Variants in TEKT5 observed in about 807,000 individuals in gnomAD.
TEKT5 encodes the protein tektin-5.
Under a neutral mutation model 48.7 loss-of-function variants are expected in TEKT5, and 52 were observed. That is an observed-to-expected ratio of 1.07 (90% confidence interval 0.86 to 1.35). TEKT5 has a LOEUF of 1.35. Among genes scored for constraint, TEKT5 ranks in the 40% most tolerant of loss-of-function variants. The pLI is 0.00. For missense variants in TEKT5, 831 were observed against 641.6 expected, an observed-to-expected ratio of 1.30 and a Z score of -3.19; for synonymous variants, 318 against 267.6, an observed-to-expected ratio of 1.19 and a Z score of -1.84.
chr16:10,658,303 G>T (rs1423020353), intron 5 of TEKT5, among the ~76,000 whole-genome samples: 1 of 152,140 alleles, frequency 6.6e-6, no homozygotes, highest in Non-Finnish European at 1.5e-5. Flanking sequence ...TCCACCAAAA[G>T]ATTTGTGCAA....
intron 1 of TEKT5, chr16:10,691,166 C>CA (rs1339758918): frequency 1.0e-5 from 1 of 97,980 alleles, no homozygotes; most frequent in Admixed American, 1.1e-4. Flanking sequence ...CCCATCTCTA[C>CA]AAAAAATTTT....
intron 5 of TEKT5, among the ~76,000 whole-genome samples, chr16:10,654,384 T>G (rs1296509746): frequency 3.9e-5 from 6 of 152,156 alleles, no homozygotes; most frequent in Non-Finnish European, 8.8e-5. Flanking sequence ...TTGACTGGCT[T>G]GACTGGGTTA....
Position 10,627,657 on chromosome 16 carries a change from A to G in TEKT5, c.1384T>C (p.Cys462Arg), listed in dbSNP as rs775872778. Reference protein sequence around the residue: ...HELAIKANTLCIDKEKCMGMR... With the variant: ...HELAIKANTLRIDKEKCMGMR... Reference sequence around the variant, plus strand: ...CCCATGCACTTCTCCTTGTCGATGCAGAGGGTGTTGGCCTTGATGGCGAGC... The same window carrying G: ...CCCATGCACTTCTCCTTGTCGATGCGGAGGGTGTTGGCCTTGATGGCGAGC... The change falls in exon 7 of 7, where the codon TGC (cysteine) becomes CGC (arginine). Residue 462 changes from cysteine to arginine, a missense_variant. Transcript: ENST00000283025. The G allele has an allele frequency of 6.2e-7, 1 of 1,614,180 alleles. No homozygotes were observed.
At chr16:10,670,973 T>C (rs959179735) in intron 5 of TEKT5, among the ~76,000 whole-genome samples, 10 of 152,188 alleles carry the variant, frequency 6.6e-5, no homozygotes, top group African/African-American at 2.4e-4. Context: ...GCCACGATCA[T>C]AGCTCACTGC....
chr16:10,631,888 T>C (rs528642101), intron 6 of TEKT5, among the ~76,000 whole-genome samples: 1 of 152,330 alleles, frequency 6.6e-6, no homozygotes, highest in African/African-American at 2.4e-5. Flanking sequence ...TGTGAGGGAA[T>C]AAACTTCTGT....
chr16:10,648,642 G>T lies in TEKT5; in HGVS notation c.1087-12724C>A, dbSNP rs77847998. ...CCACCACGCCCTGCCTGCATCCCCT[G>T]GTTTTTAGATAAGAGAAATGAGACA... On this transcript the variant is annotated intron_variant, in intron 5 of 6. Transcript: ENST00000283025. 3.4e-3 allele frequency among the ~76,000 whole-genome samples: 522 copies of T among 152,166 alleles called. 6 individuals carry two copies. Among genetic ancestry groups the T allele is most frequent in the African/African-American group, 0.012 (482 of 41,536 alleles).
At chr16:10,640,772 T>C (rs560525265) in intron 5 of TEKT5, among the ~76,000 whole-genome samples, 181 of 152,322 alleles carry the variant, frequency 1.2e-3, no homozygotes, top group African/African-American at 4.0e-3. Flanking sequence ...TCAGCATAAT[T>C]ATTTTGAGAA....
At chr16:10,692,662 G>T (rs905173733) in intron 1 of TEKT5, 1 of 152,190 alleles carries the variant, frequency 6.6e-6, no homozygotes, top group Non-Finnish European at 1.5e-5. Context: ...GGAGACACAC[G>T]ACGGACCTTC....
intron 6 of TEKT5, among the ~76,000 whole-genome samples, chr16:10,629,090 G>C (rs1281203122): frequency 1.3e-5 from 2 of 152,134 alleles, no homozygotes; most frequent in South Asian, 2.1e-4. Flanking sequence ...GCTTCCAGAG[G>C]TCAGGCGGTG....
intron 5 of TEKT5, among the ~76,000 whole-genome samples, chr16:10,668,435 T>C (rs770794348): frequency 1.3e-5 from 2 of 151,980 alleles, no homozygotes; most frequent in Non-Finnish European, 2.9e-5. Flanking sequence ...GCTGGGCCGG[T>C]TTTAGAAACC....
chr16:10,670,255 G>A (rs896484484), intron 5 of TEKT5, among the ~76,000 whole-genome samples: 3 of 152,160 alleles, frequency 2.0e-5, no homozygotes, highest in African/African-American at 7.2e-5. Context: ...GTCCGGGCAC[G>A]GTGGCTCAAG....
intron 5 of TEKT5, among the ~76,000 whole-genome samples, chr16:10,675,600 G>C (rs769538221): frequency 5.3e-5 from 8 of 152,190 alleles, no homozygotes; most frequent in Non-Finnish European, 1.0e-4. Flanking sequence ...TGTGGACGGA[G>C]AAGATGTGCA....
chr16:10,694,221 G>A lies in TEKT5; in HGVS notation c.564+89C>T, dbSNP rs1057040050. On this transcript the variant is annotated intron_variant, in intron 1 of 6. Coordinates refer to ENST00000283025, the MANE Select transcript of TEKT5 (RefSeq NM_144674.2). ...GCTCAAACCGACCTGCAAGGTGCCT[G>A]CCACCTTCATCTTCAGTCAAGGGAA... is the stretch of plus-strand genomic sequence containing the variant. 5.1e-6 allele frequency: 7 copies of A among 1,382,272 alleles called. No individual in the cohort carries two copies. The East Asian group carries it at 9.3e-5, about 18-fold the overall frequency. The allele number at this position is 1,382,272 out of a possible 1,614,324, so 85.6% of individuals were successfully genotyped here.
intron 5 of TEKT5, among the ~76,000 whole-genome samples, chr16:10,653,731 G>T (rs1898209685): frequency 6.6e-6 from 1 of 152,058 alleles, no homozygotes; most frequent in South Asian, 2.1e-4. Flanking sequence ...TGGCCAACAT[G>T]GTGAAACCCC....
chr16:10,652,015 CAGCTCGAGCACATCCA>C (rs71133380), intron 5 of TEKT5, among the ~76,000 whole-genome samples: 10,546 of 152,174 alleles, frequency 0.069, 616 homozygotes, highest in East Asian at 0.2. Flanking sequence ...ATCTAAATCC[CAGCTCGAGCACATCCA>C]AGCTGGGGGG....
At chr16:10,662,034 C>G (rs562903587) in intron 5 of TEKT5, among the ~76,000 whole-genome samples, 2 of 152,252 alleles carry the variant, frequency 1.3e-5, no homozygotes, top group African/African-American at 2.4e-5. Flanking sequence ...TCCTTTCTCT[C>G]TTCTTAAATT....
At position 10,686,786 on chromosome 16, in the gene TEKT5, A is replaced by G. The variant is rs188256163; in HGVS notation, c.719+2467T>C. 1.6e-3 allele frequency among the ~76,000 whole-genome samples: 237 copies of G among 152,344 alleles called. 1 individual carries two copies. The highest frequency in any genetic ancestry group is 5.6e-3 in the African/African-American group (234 of 41,584). ...AAAACAACCCAGTTTTAAAATGGAC[A>G]AAGTTATTGCGGCACAATTTACGAT... On this transcript the variant is annotated intron_variant, in intron 3 of 6. Transcript: ENST00000283025.
intron 5 of TEKT5, chr16:10,671,618 T>G (rs1260992374): frequency 6.6e-6 from 1 of 152,198 alleles, no homozygotes; most frequent in Non-Finnish European, 1.5e-5. Context: ...AGAATGGTAG[T>G]TACTTGTATT....
Position 10,668,659 on chromosome 16 carries a change from T to A in TEKT5, c.1086+7300A>T, listed in dbSNP as rs77060003. Among the ~76,000 whole-genome samples the A allele has an allele frequency of 0.015, 2,264 of 152,274 alleles. 132 individuals carry two copies. In the East Asian group the frequency reaches 0.17, roughly 11 times the overall value. On this transcript the variant is annotated intron_variant, in intron 5 of 6. Coordinates refer to ENST00000283025, the MANE Select transcript of TEKT5 (RefSeq NM_144674.2). ...CCTTCCTGGGAAGGGGTGGTTTTGC[T>A]GATGCTAACAATGGCTGCTTGGGAG...
Sources: gnomAD v4.1 joint callset for allele counts (sites outside exome capture counted in the v4.1 genomes callset) on GRCh38, gnomAD v4.1.1 for gene constraint, MANE v1.5 for transcripts, NCBI Gene and HGNC (gene_info 2026-07-23, HGNC 2026-07-21) for gene names.